Variants in CPA4 observed in about 807,000 individuals in gnomAD.
CPA4 encodes the protein carboxypeptidase A3.
In CPA4, 49 loss-of-function variants were observed where a neutral mutation model predicts 54.7. That is an observed-to-expected ratio of 0.90 (90% CI 0.71 to 1.14). The LOEUF (loss-of-function observed/expected upper bound fraction) is 1.14, where lower values mean the gene tolerates loss of function less well. Among genes scored for constraint, CPA4 ranks in the 50% most tolerant of loss-of-function variants. CPA4 has a pLI of 0.00. For missense variants in CPA4, 487 were observed against 525.1 expected (o/e 0.93, Z 0.71); for synonymous variants, 215 against 206.8 (o/e 1.04, Z -0.34).
chr7:130,302,393 G>A (rs192998072), intron 4 of CPA4, among the ~76,000 whole-genome samples: 135 of 151,886 alleles, frequency 8.9e-4, no homozygotes, highest in African/African-American at 3.2e-3. Context: ...GGAAGCTGAG[G>A]CAGGAGAATC....
intron 1 of CPA4, among the ~76,000 whole-genome samples, chr7:130,293,758 T>C (rs1011708295): frequency 6.6e-6 from 1 of 152,108 alleles, no homozygotes; most frequent in African/African-American, 2.4e-5. Context: ...GCTCTACCCC[T>C]GAGCTACACC....
intron 3 of CPA4, among the ~76,000 whole-genome samples, 162 bp from the exon 4 acceptor site, chr7:130,300,654 G>A: frequency 6.6e-6 from 1 of 152,008 alleles, no homozygotes; most frequent in Admixed American, 6.6e-5. Flanking sequence ...ATTTTATAAA[G>A]ATATGAAAGA....
At chr7:130,308,786 C>T (rs1793867453) in intron 8 of CPA4, among the ~76,000 whole-genome samples, 1 of 150,766 alleles carries the variant, frequency 6.6e-6, no homozygotes, top group East Asian at 1.9e-4. Flanking sequence ...CTCCTGACCT[C>T]ATGATCCACC....
rs1794128484 is a variant in CPA4 at position 130,322,553 on chromosome 7, T to A, written c.1143T>A (p.Phe381Leu). Residue 381 changes from phenylalanine to leucine, a missense_variant, in exon 11 of 11, where the codon TTT (phenylalanine) becomes TTA (leucine). Coordinates refer to ENST00000222482, the MANE Select transcript of CPA4 (RefSeq NM_016352.4). Reference protein sequence around the residue: ...YDNGIKFAFTFELRDTGTYGF... With the variant: ...YDNGIKFAFTLELRDTGTYGF... The stretch of plus-strand genomic sequence containing the variant: ...ACGGCATCAAATTTGCATTCACATT[T>A]GAGTTGAGAGATACCGGGACCTATG... The A allele has an allele frequency of 6.2e-7, 1 of 1,613,808 alleles. No homozygotes were observed. The highest frequency in any genetic ancestry group is 8.5e-7 in the Non-Finnish European group (1 of 1,179,806).
Position 130,308,334 on chromosome 7 carries a change from C to T in CPA4, c.730C>T (p.Arg244Ter), listed in dbSNP as rs774692846. The change falls in exon 8 of 11, where the codon CGA (arginine) becomes TGA (stop). Residue 244 changes from arginine (R) to a stop codon, truncating the protein, a stop_gained. Coordinates refer to ENST00000222482, the MANE Select transcript of CPA4 (RefSeq NM_016352.4). LOFTEE classifies it high-confidence loss of function. ...CCGATTATGGAGGAAGACGCGGTCC[C>T]GAAATCCTGGAAGCTCCTGCATTGG... ...QNRLWRKTRS[R>*]NPGSSCIGAD... 6.8e-6 allele frequency: 11 copies of T among 1,614,160 alleles called. No individual in the cohort carries two copies. The highest frequency in any genetic ancestry group is 4.5e-5 in the East Asian group (2 of 44,874).
intron 7 of CPA4, 115 bp downstream of exon 7, chr7:130,307,012 A>G: frequency 1.4e-6 from 1 of 698,790 alleles, no homozygotes; most frequent in Admixed American, 2.2e-5. Context: ...CTTCCTTGGG[A>G]TTTCATCTTC....
chr7:130,308,452 T>C (rs755298630), intron 8 of CPA4, 55 bp downstream of exon 8: 4 of 1,432,704 alleles, frequency 2.8e-6, no homozygotes, highest in Non-Finnish European at 3.9e-6. Flanking sequence ...TCGCCTGGTC[T>C]ACCAGTGCTC....
At chr7:130,309,093 G>A (rs982973458) in intron 8 of CPA4, among the ~76,000 whole-genome samples, 6 of 152,090 alleles carry the variant, frequency 3.9e-5, no homozygotes, top group African/African-American at 1.2e-4. Flanking sequence ...TCATCTGCCC[G>A]CCTCAGCCTC....
At chr7:130,303,115 T>C (rs1160504365) in intron 4 of CPA4, among the ~76,000 whole-genome samples, 1 of 152,264 alleles carries the variant, frequency 6.6e-6, no homozygotes, top group East Asian at 1.9e-4. Context: ...TAAGCTTGAC[T>C]TTGTTCTATA....
At position 130,298,703 on chromosome 7, in the gene CPA4, A is replaced by C. The variant is rs777098353; in HGVS notation, c.69-43A>C. ...GGGTTTCTTTGCCAGCTGAAAGCTC[A>C]TCATTATCTTTTGCTCTTTTTTCCT... On this transcript the variant is annotated intron_variant, in intron 1 of 10. Coordinates refer to ENST00000222482, the MANE Select transcript of CPA4 (RefSeq NM_016352.4). 5 of 1,225,280 alleles carry C rather than the reference A, an allele frequency of 4.1e-6. No homozygotes were observed. The South Asian group carries it at 6.1e-5, about 15-fold the overall frequency. The allele number at this position is 1,225,280 out of a possible 1,614,324, so 75.9% of individuals were successfully genotyped here.
At position 130,300,878 on chromosome 7, in the gene CPA4, TA is replaced by T. The variant is rs759242649; in HGVS notation, c.350del (p.Asn117ThrfsTer31). 6.2e-7 allele frequency: 1 copy of T among 1,613,766 alleles called. No homozygotes were observed. The highest frequency in any genetic ancestry group is 8.5e-7 in the Non-Finnish European group (1 of 1,179,644). ...ATGAAGGGCAAGAACGGAGCAGTAA[TA>T]ACTTCAACTACGGGGCTTACCATTC... ...HNEGQERSSN[N>X]FNYGAYHSLE... On this transcript the variant is annotated frameshift_variant, in exon 4 of 11. Coordinates refer to ENST00000222482, the MANE Select transcript of CPA4 (RefSeq NM_016352.4). LOFTEE classifies it high-confidence loss of function.
In CPA4 at chr7:130,305,940, G is replaced by A. The variant is rs779181523; in HGVS notation, c.591+20G>A. On this transcript the variant is annotated intron_variant, in intron 6 of 10. Transcript: ENST00000222482. Reference sequence around the variant, plus strand: ...AGGAAGGTCATGCTGCGTGGTATTAGCCAGGAATGCTGATGGTGCCGGGGT... The same window carrying A: ...AGGAAGGTCATGCTGCGTGGTATTAACCAGGAATGCTGATGGTGCCGGGGT... 1.6e-5 allele frequency: 25 copies of A among 1,591,970 alleles called. 1 individual carries two copies. In the Admixed American group the frequency reaches 4.2e-4, roughly 27 times the overall value.
rs766652758 is a variant in CPA4 at position 130,322,678 on chromosome 7, C to T, written c.*2C>T. 31 of 1,612,034 alleles carry T rather than the reference C, an allele frequency of 1.9e-5. No homozygotes were observed. The highest frequency in any genetic ancestry group is 1.7e-4 in the Middle Eastern group (1 of 5,904). On this transcript the variant is annotated 3_prime_UTR_variant, in exon 11 of 11. Coordinates refer to ENST00000222482, the MANE Select transcript of CPA4 (RefSeq NM_016352.4). ...CATGTGCGGGACAACCTCTACTAGG[C>T]GATGGCTCTGCTCTGTCTACATTTA...
intron 8 of CPA4, 94 bp downstream of exon 8, chr7:130,308,491 AC>A: frequency 1.0e-6 from 1 of 979,496 alleles, no homozygotes; most frequent in Non-Finnish European, 1.6e-6. Context: ...GCGCGTTTCC[AC>A]TTTGGTTCCG....
Position 130,299,139 on chromosome 7 carries a change from A to G in CPA4, c.151-131A>G, listed in dbSNP as rs542421726. On this transcript the variant is annotated intron_variant, in intron 2 of 10. Coordinates refer to ENST00000222482, the MANE Select transcript of CPA4 (RefSeq NM_016352.4). ...ACCAGACACAATTGTGAAATGGGCAAACTTTGCCCTTGGGCAGAGCCTAGC... is the reference window on the plus strand; with the variant it reads ...ACCAGACACAATTGTGAAATGGGCAGACTTTGCCCTTGGGCAGAGCCTAGC... 217 of 970,264 alleles carry G rather than the reference A, an allele frequency of 2.2e-4. 2 individuals are homozygous for G. The highest frequency in any genetic ancestry group is 6.4e-6 in the Non-Finnish European group (4 of 620,554). 60.1% of individuals were successfully genotyped at this position (970,264 alleles called of 1,614,324 possible).
At chr7:130,309,792 G>T (rs565819459) in intron 8 of CPA4, among the ~76,000 whole-genome samples, 1 of 152,222 alleles carries the variant, frequency 6.6e-6, no homozygotes, top group African/African-American at 2.4e-5. Context: ...TTGAGACACG[G>T]TCGTGCTCTG....
At position 130,299,132 on chromosome 7, in the gene CPA4, A is replaced by T. The variant is rs1793699370; in HGVS notation, c.151-138A>T. ...AGGTCCAACCAGACACAATTGTGAA[A>T]TGGGCAAACTTTGCCCTTGGGCAGA... On this transcript the variant is annotated intron_variant, in intron 2 of 10. Coordinates refer to ENST00000222482, the MANE Select transcript of CPA4 (RefSeq NM_016352.4). The T allele has an allele frequency of 2.9e-5, 26 of 899,374 alleles. No individual in the cohort carries two copies. In the South Asian group the frequency reaches 3.9e-4, roughly 14 times the overall value. The allele number at this position is 899,374 out of a possible 1,614,324, so 55.7% of individuals were successfully genotyped here. A position where few individuals can be genotyped will look rare whatever the true frequency, so the allele number is the denominator to read the frequency against.
intron 4 of CPA4, among the ~76,000 whole-genome samples, chr7:130,301,532 G>C (rs754740543): frequency 5.9e-5 from 9 of 152,266 alleles, no homozygotes; most frequent in Non-Finnish European, 1.2e-4. Flanking sequence ...ATGCGGTACA[G>C]TTCTCTTACA....
At chr7:130,306,038 T>C (rs533155699) in intron 6 of CPA4, 118 bp downstream of exon 6, 308 of 774,364 alleles carry the variant, frequency 4.0e-4, no homozygotes, top group Non-Finnish European at 5.8e-4. Context: ...CCCAGTCGGC[T>C]GGGGGGCCTT....
Sources: allele counts gnomAD v4.1 joint callset (sites outside exome capture counted in the v4.1 genomes callset), GRCh38; gene constraint gnomAD v4.1.1; transcripts MANE v1.5; gene names NCBI Gene and HGNC (gene_info 2026-07-23, HGNC 2026-07-21).